The following TIMM23B variants were observed in gnomAD, a reference collection of about 807,000 sequenced individuals.
TIMM23B encodes the protein mitochondrial import inner membrane translocase subunit Tim23B.
In TIMM23B, 27 loss-of-function variants were observed where a neutral mutation model predicts 27.3. That is an observed-to-expected ratio of 0.99 (90% confidence interval 0.73 to 1.36). The LOEUF (loss-of-function observed/expected upper bound fraction) is 1.36. Ranked by LOEUF, TIMM23B falls within the 40% of genes most tolerant of loss-of-function variation. TIMM23B has a pLI of 0.00. For synonymous variants in TIMM23B, 73 were observed against 92.4 expected (o/e 0.79, Z 1.21); for missense variants, 205 against 244.2 (o/e 0.84, Z 1.07).
chr10:49,953,102 A>G (rs1839592947), intron 4 of TIMM23B, among the ~76,000 whole-genome samples: 1 of 152,214 alleles, frequency 6.6e-6, no homozygotes, highest in South Asian at 2.1e-4. Flanking sequence ...AAAGGATCAG[A>G]AAGTATGTTT....
chr10:49,958,031 G>A (rs1230020010), intron 5 of TIMM23B, among the ~76,000 whole-genome samples: 8 of 152,196 alleles, frequency 5.3e-5, no homozygotes, highest in African/African-American at 7.2e-5. Flanking sequence ...AGACAGGAAG[G>A]TGTGGGGAAA....
Position 49,951,214 on chromosome 10 carries a change from A to G in TIMM23B, c.166-912A>G, listed in dbSNP as rs1230760284. ...GAACCACAGTTTTCTGATTAGGAAT[A>G]CAGTTTTCTGAATCAACGTTCAGTA... is the stretch of plus-strand genomic sequence containing the variant. On this transcript the variant is annotated intron_variant, in intron 2 of 6. Coordinates refer to ENST00000651259, the MANE Select transcript of TIMM23B (RefSeq NM_001290117.2). Among the ~76,000 whole-genome samples, 37 of 152,334 alleles carry G rather than the reference A, an allele frequency of 2.4e-4. No individual in the cohort carries two copies. The East Asian group carries it at 7.1e-3, about 29-fold the overall frequency.
At chr10:49,968,852 G>A (rs1172244406) in intron 6 of TIMM23B, among the ~76,000 whole-genome samples, 1 of 152,050 alleles carries the variant, frequency 6.6e-6, no homozygotes, top group East Asian at 1.9e-4. Flanking sequence ...GAAATGTTAT[G>A]AAAAATTTGG....
At position 49,955,065 on chromosome 10, in the gene TIMM23B, G is replaced by A; in HGVS notation, c.403+5G>A. The stretch of plus-strand genomic sequence containing the variant: ...CTAATACTCTAGGTTCTCTGGGTAA[G>A]TAGAGATCTCGTTTGATAATAAATT... On this transcript the variant is annotated splice_donor_5th_base_variant and intron_variant, in intron 5 of 6. Coordinates refer to ENST00000651259, the MANE Select transcript of TIMM23B (RefSeq NM_001290117.2). 1 of 1,612,068 alleles carries A rather than the reference G, an allele frequency of 6.2e-7. No individual in the cohort carries two copies. Among genetic ancestry groups the A allele is most frequent in the Non-Finnish European group, 8.5e-7 (1 of 1,178,428 alleles).
chr10:49,952,312 T>G lies in TIMM23B; in HGVS notation c.259+93T>G, dbSNP rs1486916249. On this transcript the variant is annotated intron_variant, in intron 3 of 6. Coordinates refer to ENST00000651259, the MANE Select transcript of TIMM23B (RefSeq NM_001290117.2). ...GCAATTAGAATGTTGGTTTCAGGGTTTTTTTTTTTAATATTTACATTTGTC... is the reference window on the plus strand; with the variant it reads ...GCAATTAGAATGTTGGTTTCAGGGTGTTTTTTTTTAATATTTACATTTGTC... 9.1e-5 allele frequency: 132 copies of G among 1,447,806 alleles called. 2 individuals are homozygous for G. The South Asian group carries it at 1.4e-3, about 15-fold the overall frequency. The allele number at this position is 1,447,806 out of a possible 1,614,324, so 89.7% of individuals were successfully genotyped here. A position where few individuals can be genotyped will look rare whatever the true frequency, so the allele number is the denominator to read the frequency against.
chr10:49,947,137 G>A (rs1354124435), intron 2 of TIMM23B, among the ~76,000 whole-genome samples: 20 of 152,302 alleles, frequency 1.3e-4, no homozygotes, highest in African/African-American at 4.3e-4. Context: ...ATGGATTAAA[G>A]ACTTAAATGT....
chr10:49,966,769 G>T (rs1840180803), intron 6 of TIMM23B, among the ~76,000 whole-genome samples: 2 of 151,094 alleles, frequency 1.3e-5, no homozygotes, highest in African/African-American at 2.4e-5. Flanking sequence ...TGGTTGCCAT[G>T]AGGCAAGATC....
intron 6 of TIMM23B, among the ~76,000 whole-genome samples, chr10:49,969,225 A>T (rs2805310): frequency 6.6e-6 from 1 of 152,226 alleles, no homozygotes; most frequent in Non-Finnish European, 1.5e-5. Context: ...TGGGAAGCCA[A>T]TGTGGGCAGA....
At chr10:49,943,127 G>A (rs1411672297) in intron 1 of TIMM23B, 9 of 152,056 alleles carry the variant, frequency 5.9e-5, no homozygotes, top group African/African-American at 2.2e-4. Flanking sequence ...ACTGACTCTA[G>A]TGCAAAAAAA....
intron 6 of TIMM23B, among the ~76,000 whole-genome samples, chr10:49,962,751 G>C (rs1219999670): frequency 6.6e-6 from 1 of 152,026 alleles, no homozygotes; most frequent in Admixed American, 6.6e-5. Context: ...ATACAGTTTT[G>C]CACATACATT....
intron 6 of TIMM23B, among the ~76,000 whole-genome samples, chr10:49,967,213 C>G (rs1362365567): frequency 3.3e-5 from 5 of 152,152 alleles, no homozygotes; most frequent in African/African-American, 1.2e-4. Flanking sequence ...TGAACCACCG[C>G]GCCCGGCCCC....
chr10:49,972,046 T>G (rs1840474523), intron 6 of TIMM23B, among the ~76,000 whole-genome samples: 2 of 152,216 alleles, frequency 1.3e-5, no homozygotes, highest in African/African-American at 4.8e-5. Flanking sequence ...AACATTTGGT[T>G]TTTATATTTA....
intron 4 of TIMM23B, 47 bp from the exon 5 acceptor site, chr10:49,954,955 G>A: frequency 6.2e-7 from 1 of 1,609,852 alleles, no homozygotes; most frequent in Non-Finnish European, 8.5e-7. Context: ...GATTACTAGA[G>A]AAATAATGAT....
At chr10:49,959,503 T>C (rs1350938163) in intron 6 of TIMM23B, among the ~76,000 whole-genome samples, 4 of 152,234 alleles carry the variant, frequency 2.6e-5, no homozygotes, top group African/African-American at 4.8e-5. Flanking sequence ...ATTTAGCTTT[T>C]TTATTGTGTT....
At chr10:49,952,326 T>C in intron 3 of TIMM23B, 107 bp downstream of exon 3, 1 of 1,461,790 alleles carries the variant, frequency 6.8e-7, no homozygotes, top group South Asian at 1.3e-5. Flanking sequence ...TTTTTTAATA[T>C]TTACATTTGT....
At chr10:49,955,123 G>A (rs2133070131) in intron 5 of TIMM23B, 63 bp downstream of exon 5, 2 of 1,536,658 alleles carry the variant, frequency 1.3e-6, no homozygotes, top group Non-Finnish European at 1.8e-6. Context: ...CAAATATCAT[G>A]AACAATTTGA....
intron 6 of TIMM23B, among the ~76,000 whole-genome samples, chr10:49,967,023 G>A (rs1589049489): frequency 1.3e-5 from 2 of 151,834 alleles, no homozygotes; most frequent in Non-Finnish European, 2.9e-5. Flanking sequence ...GGGTTCAAGT[G>A]ATGCTCCCAT....
chr10:49,954,004 A>T (rs1839625209), intron 4 of TIMM23B, among the ~76,000 whole-genome samples: 1 of 152,264 alleles, frequency 6.6e-6, no homozygotes. Flanking sequence ...TGCTTGTTAA[A>T]AATGAAAAAA....
chr10:49,971,849 G>A (rs1424771078), intron 6 of TIMM23B, among the ~76,000 whole-genome samples: 3 of 152,156 alleles, frequency 2.0e-5, no homozygotes, highest in Admixed American at 2.0e-4. Context: ...ATTCTGTGCT[G>A]TGGCATAACT....
Sources: gnomAD v4.1 joint callset for allele counts (sites outside exome capture counted in the v4.1 genomes callset) on GRCh38, gnomAD v4.1.1 for gene constraint, MANE v1.5 for transcripts, NCBI Gene and HGNC (gene_info 2026-07-23, HGNC 2026-07-21) for gene names.